The following RAPGEF4 variants were observed in gnomAD, a reference collection of about 807,000 sequenced individuals.
RAPGEF4 encodes the protein Rap guanine nucleotide exchange factor 4, also known as RAP guanine-nucleotide-exchange factor (GEF) 4.
RAPGEF4 carries 66 observed loss-of-function variants against 147.9 expected under a neutral mutation model. The observed-to-expected ratio is 0.45, with a 90% CI of 0.37 to 0.55. The LOEUF is 0.55. Ranked by LOEUF, RAPGEF4 falls within the 20% of genes least tolerant of loss-of-function variation. The pLI is 0.00. For synonymous variants in RAPGEF4, 419 were observed against 442.7 expected (o/e 0.95, Z 0.67); for missense variants, 1,071 against 1,257.3 (o/e 0.85, Z 2.24).
At chr2:172,769,267 A>G (rs2149484773) in intron 1 of RAPGEF4, among the ~76,000 whole-genome samples, 1 of 152,322 alleles carries the variant, frequency 6.6e-6, no homozygotes, top group East Asian at 1.9e-4. Flanking sequence ...GAGTCACGAA[A>G]AGTATGAAAC....
intron 1 of RAPGEF4, among the ~76,000 whole-genome samples, chr2:172,746,260 G>T (rs1327521012): frequency 6.6e-6 from 1 of 152,114 alleles, no homozygotes; most frequent in Non-Finnish European, 1.5e-5. Flanking sequence ...ATATTCCATT[G>T]CTTTATTTCA....
upstream of RAPGEF4, chr2:172,735,777 C>G (rs1693684986): frequency 9.3e-6 from 2 of 216,190 alleles, no homozygotes; most frequent in Non-Finnish European, 1.7e-5. Context: ...TCCCCGCACC[C>G]GCGTCCCGCC....
At chr2:172,936,279 A>G (rs2150112482) in intron 6 of RAPGEF4, among the ~76,000 whole-genome samples, 1 of 152,236 alleles carries the variant, frequency 6.6e-6, no homozygotes. Flanking sequence ...AGGCAGAAGA[A>G]TCACTTGAAC....
intron 3 of RAPGEF4, among the ~76,000 whole-genome samples, chr2:172,803,325 A>G (rs924992453): frequency 1.3e-5 from 2 of 152,208 alleles, no homozygotes; most frequent in African/African-American, 2.4e-5. Flanking sequence ...CCAAACCTCA[A>G]TTCTTGACTT....
chr2:172,899,042 AT>A (rs1232304437), intron 4 of RAPGEF4, among the ~76,000 whole-genome samples: 1 of 152,218 alleles, frequency 6.6e-6, no homozygotes, highest in Non-Finnish European at 1.5e-5. Flanking sequence ...ATGCAGTATT[AT>A]TTTTAAAACA....
In RAPGEF4 at chr2:173,043,128, CA is replaced by C. The variant is rs1432056147; in HGVS notation, c.2854-5469del. On this transcript the variant is annotated intron_variant, in intron 29 of 30. Transcript: ENST00000397081. Reference sequence around the variant, plus strand: ...CTTGTGAAAAAAAAAATTCTTGTCCCAAATATGTGGAGGTCTGAGTGAAATA... The same window carrying C: ...CTTGTGAAAAAAAAAATTCTTGTCCCAATATGTGGAGGTCTGAGTGAAATA... Among the ~76,000 whole-genome samples, 11 of 152,234 alleles carry C rather than the reference CA, an allele frequency of 7.2e-5. No individual in the cohort carries two copies. In the East Asian group the frequency reaches 2.1e-3, roughly 29 times the overall value.
chr2:172,990,031 A>G (rs1692670060), intron 14 of RAPGEF4, among the ~76,000 whole-genome samples: 1 of 138,304 alleles, frequency 7.2e-6, no homozygotes, highest in Non-Finnish European at 1.6e-5. Context: ...AAAAAAAAAG[A>G]AAAGAAAAAA....
chr2:172,959,684 A>ATT (rs532926001), intron 6 of RAPGEF4, among the ~76,000 whole-genome samples: 2,465 of 152,322 alleles, frequency 0.016, 62 homozygotes, highest in African/African-American at 0.056. Context: ...TATCATTACC[A>ATT]GATTATTTCA....
intron 1 of RAPGEF4, among the ~76,000 whole-genome samples, chr2:172,783,473 G>T (rs912143627): frequency 2.0e-5 from 3 of 152,128 alleles, no homozygotes; most frequent in Admixed American, 6.5e-5. Context: ...TGGCGGCTGT[G>T]CAGGCCATGT....
At chr2:172,980,075 A>G (rs1459891820) in intron 10 of RAPGEF4, among the ~76,000 whole-genome samples, 1 of 152,232 alleles carries the variant, frequency 6.6e-6, no homozygotes, top group Non-Finnish European at 1.5e-5. Flanking sequence ...TATTTTAAGC[A>G]AAGAGAAGAG....
At chr2:172,737,830 C>T (rs539968107) in intron 1 of RAPGEF4, among the ~76,000 whole-genome samples, 1 of 152,150 alleles carries the variant, frequency 6.6e-6, no homozygotes, top group East Asian at 1.9e-4. Flanking sequence ...TTGGACATGT[C>T]ACTTTTACTT....
chr2:173,046,828 T>G (rs947672114), intron 29 of RAPGEF4, among the ~76,000 whole-genome samples: 1 of 152,216 alleles, frequency 6.6e-6, no homozygotes, highest in African/African-American at 2.4e-5. Context: ...TGCAGGTACA[T>G]GTCACTTCAG....
chr2:172,931,041 C>T (rs1185761356), intron 6 of RAPGEF4, among the ~76,000 whole-genome samples: 1 of 151,990 alleles, frequency 6.6e-6, no homozygotes, highest in Non-Finnish European at 1.5e-5. Context: ...TGCCAGTTCC[C>T]ATCCCTGACA....
chr2:172,875,045 C>A (rs1695727218), intron 4 of RAPGEF4, among the ~76,000 whole-genome samples: 1 of 152,194 alleles, frequency 6.6e-6, no homozygotes, highest in Admixed American at 6.5e-5. Flanking sequence ...TAAATGTCTT[C>A]TTTTGAGAAG....
At chr2:173,031,695 G>T (rs887516746) in intron 26 of RAPGEF4, among the ~76,000 whole-genome samples, 1 of 152,164 alleles carries the variant, frequency 6.6e-6, no homozygotes, top group African/African-American at 2.4e-5. Context: ...GGCAGCAAAA[G>T]GAGATAGCTA....
At chr2:172,920,409 C>T (rs576878193) in intron 5 of RAPGEF4, among the ~76,000 whole-genome samples, 1 of 152,220 alleles carries the variant, frequency 6.6e-6, no homozygotes, top group Admixed American at 6.5e-5. Context: ...TGTTCCCAAC[C>T]GAATGTCTTT....
Position 172,965,700 on chromosome 2 carries a change from T to C in RAPGEF4, c.820+17T>C. On this transcript the variant is annotated intron_variant, in intron 9 of 30. Coordinates refer to ENST00000397081, the MANE Select transcript of RAPGEF4 (RefSeq NM_007023.4). ...TCAACCACGGTAAGATGAGCCCCAGTCCCTGGAAACCTCTCAAGAAATGCT... is the reference window on the plus strand; with the variant it reads ...TCAACCACGGTAAGATGAGCCCCAGCCCCTGGAAACCTCTCAAGAAATGCT... 1 of 1,614,090 alleles carries C rather than the reference T, an allele frequency of 6.2e-7. No individual in the cohort carries two copies. Among genetic ancestry groups the C allele is most frequent in the Non-Finnish European group, 8.5e-7 (1 of 1,179,994 alleles).
intron 10 of RAPGEF4, among the ~76,000 whole-genome samples, chr2:172,982,631 A>T (rs1459749541): frequency 6.6e-6 from 1 of 152,236 alleles, no homozygotes; most frequent in Non-Finnish European, 1.5e-5. Flanking sequence ...TCAGTCTTCC[A>T]GTGCCAAAAA....
chr2:172,740,827 A>G (rs576854590), intron 1 of RAPGEF4, among the ~76,000 whole-genome samples: 1 of 152,338 alleles, frequency 6.6e-6, no homozygotes, highest in South Asian at 2.1e-4. Context: ...TCTTTCAGCA[A>G]CAGATACACA....
Sources: gnomAD v4.1 joint callset for allele counts (sites outside exome capture counted in the v4.1 genomes callset) on GRCh38, gnomAD v4.1.1 for gene constraint, MANE v1.5 for transcripts, NCBI Gene and HGNC (gene_info 2026-07-23, HGNC 2026-07-21) for gene names.